Variants in ATP2B4 observed in about 807,000 individuals in gnomAD.
The protein encoded by ATP2B4 is ATPase plasma membrane Ca2+ transporting 4.
In ATP2B4, 39 loss-of-function variants were observed where a neutral mutation model predicts 110.3. That is an observed-to-expected ratio of 0.35 (90% CI 0.27 to 0.46). ATP2B4 has a LOEUF of 0.46. ATP2B4 is among the 20% of genes least tolerant of loss of function. ATP2B4 has a pLI of 1.00. For synonymous variants in ATP2B4, 538 were observed against 571.7 expected (o/e 0.94, Z 0.84); for missense variants, 1,135 against 1,530.9 (o/e 0.74, Z 4.32).
chr1:203,723,050 T>C (rs560221976), intron 18 of ATP2B4, among the ~76,000 whole-genome samples: 36 of 152,334 alleles, frequency 2.4e-4, no homozygotes, highest in African/African-American at 8.7e-4. Context: ...CATGCACATC[T>C]AGTATAGACT....
chr1:203,686,298 C>G (rs1418741336), intron 2 of ATP2B4, among the ~76,000 whole-genome samples: 4 of 152,172 alleles, frequency 2.6e-5, no homozygotes, highest in African/African-American at 9.7e-5. Context: ...AGCTGTCTGT[C>G]TCACAAACAG....
intron 1 of ATP2B4, among the ~76,000 whole-genome samples, chr1:203,662,033 CT>C (rs374196166): frequency 0.017 from 2,426 of 144,890 alleles, 43 homozygotes; most frequent in African/African-American, 0.05. Context: ...CCATCTTCAC[CT>C]TTTTTTTTTT....
chr1:203,704,467 C>CTTTTTTTTTTTTTTTTT lies in ATP2B4; in HGVS notation c.1099+669_1099+685dup, dbSNP rs35019828. ...GTGGACATATCTCTCAAGGAACAGTCTTTTTTTTTTTTTTTTTTTTTTTTT... is the reference window on the plus strand; with the variant it reads ...GTGGACATATCTCTCAAGGAACAGTCTTTTTTTTTTTTTTTTTTTTTTTTTTTTTTTTTTTTTTTTTT... On this transcript the variant is annotated intron_variant, in intron 8 of 20. Transcript: ENST00000357681. Among the ~76,000 whole-genome samples the CTTTTTTTTTTTTTTTTT allele has an allele frequency of 2.9e-5, 2 of 68,794 alleles. 1 individual carries two copies. Among genetic ancestry groups the CTTTTTTTTTTTTTTTTT allele is most frequent in the Non-Finnish European group, 5.2e-5 (2 of 38,316 alleles). 45.1% of individuals were successfully genotyped at this position (68,794 alleles called of 152,430 possible).
chr1:203,667,142 G>T (rs1362734354), intron 1 of ATP2B4, among the ~76,000 whole-genome samples: 1 of 152,080 alleles, frequency 6.6e-6, no homozygotes, highest in Non-Finnish European at 1.5e-5. Context: ...TGTAGAGATG[G>T]GGTTTCACCA....
At chr1:203,712,227 G>C in intron 13 of ATP2B4, 88 bp downstream of exon 13, 1 of 1,444,598 alleles carries the variant, frequency 6.9e-7, no homozygotes, top group Non-Finnish European at 9.4e-7. Context: ...GTGCGGGAAG[G>C]TGGGTGGTTT....
At chr1:203,723,630 A>T (rs1299541426) in intron 18 of ATP2B4, among the ~76,000 whole-genome samples, 3 of 151,740 alleles carry the variant, frequency 2.0e-5, no homozygotes, top group Non-Finnish European at 4.4e-5. Flanking sequence ...CAGCTCCCCT[A>T]ACTCCTCCAG....
intron 1 of ATP2B4, among the ~76,000 whole-genome samples, chr1:203,640,326 T>C (rs533643989): frequency 6.6e-6 from 1 of 152,284 alleles, no homozygotes; most frequent in Non-Finnish European, 1.5e-5. Context: ...ACTTGTTGCA[T>C]CCTTTTTTGA....
chr1:203,665,308 C>T (rs1664470667), intron 1 of ATP2B4, among the ~76,000 whole-genome samples: 1 of 152,192 alleles, frequency 6.6e-6, no homozygotes, highest in Non-Finnish European at 1.5e-5. Context: ...CAGGGTGAGC[C>T]CTTAGTGGGA....
chr1:203,712,054 A>G lies in ATP2B4; in HGVS notation c.2126A>G (p.Lys709Arg), dbSNP rs767216039. The part of the protein sequence containing the change: ...NINTARAIAT[K>R]CGILTPGDDF... ...AACACAGCCCGGGCCATTGCCACCA[A>G]ATGTGGCATTCTGACACCTGGGGAT... is the stretch of plus-strand genomic sequence containing the variant. The change falls in exon 13 of 21, where the codon AAA (lysine) becomes AGA (arginine). Residue 709 changes from lysine to arginine, a missense_variant. Lys to Arg is a conservative substitution (Grantham distance 26). Around this residue, in one of 9 missense-constraint regions of ATP2B4, gnomAD observed 368 missense variants for 455.9 expected, o/e 0.81. Coordinates refer to ENST00000357681, the MANE Select transcript of ATP2B4 (RefSeq NM_001684.5). The G allele has an allele frequency of 1.9e-6, 3 of 1,614,024 alleles. No homozygotes were observed. In the African/African-American group the frequency reaches 4.0e-5, roughly 22 times the overall value.
intron 20 of ATP2B4, among the ~76,000 whole-genome samples, chr1:203,734,943 G>A (rs1373155118): frequency 6.9e-6 from 1 of 145,286 alleles, no homozygotes; most frequent in African/African-American, 2.5e-5. Flanking sequence ...GGCGGAGGTT[G>A]CGGTGAGCCA....
intron 14 of ATP2B4, among the ~76,000 whole-genome samples, chr1:203,713,589 C>T (rs1043204042): frequency 6.6e-6 from 1 of 152,056 alleles, no homozygotes; most frequent in Non-Finnish European, 1.5e-5. Context: ...CTCAGCCTCC[C>T]GAGTAGCTGG....
intron 1 of ATP2B4, among the ~76,000 whole-genome samples, chr1:203,640,867 G>T (rs917872171): frequency 2.6e-5 from 4 of 152,158 alleles, no homozygotes; most frequent in Non-Finnish European, 5.9e-5. Flanking sequence ...GTGACTGACT[G>T]GTTGACAAGA....
At chr1:203,628,161 C>T (rs1000683574) in intron 1 of ATP2B4, among the ~76,000 whole-genome samples, 9 of 152,326 alleles carry the variant, frequency 5.9e-5, no homozygotes, top group African/African-American at 2.2e-4. Flanking sequence ...CCTTGGCTTG[C>T]TGAAGAGCTA....
At chr1:203,636,354 G>A (rs1457563747) in intron 1 of ATP2B4, among the ~76,000 whole-genome samples, 1 of 152,036 alleles carries the variant, frequency 6.6e-6, no homozygotes, top group Non-Finnish European at 1.5e-5. Flanking sequence ...CCTGATCGTC[G>A]CTCTGGAGAG....
At chr1:203,637,216 G>A (rs1663469712) in intron 1 of ATP2B4, among the ~76,000 whole-genome samples, 1 of 152,176 alleles carries the variant, frequency 6.6e-6, no homozygotes, top group African/African-American at 2.4e-5. Context: ...CGGATCACGA[G>A]GTCAGGAGAT....
intron 8 of ATP2B4, among the ~76,000 whole-genome samples, chr1:203,705,843 C>A (rs1330754500): frequency 6.6e-6 from 1 of 152,154 alleles, no homozygotes; most frequent in African/African-American, 2.4e-5. Context: ...TTTCCACCAC[C>A]TGGAGAGTGA....
chr1:203,635,643 C>G (rs1033302325), intron 1 of ATP2B4, among the ~76,000 whole-genome samples: 2 of 151,702 alleles, frequency 1.3e-5, no homozygotes, highest in South Asian at 4.2e-4. Context: ...AGAGTGAGAC[C>G]CTGTCTCAAA....
At chr1:203,656,553 G>A (rs754337588) in intron 1 of ATP2B4, among the ~76,000 whole-genome samples, 1 of 152,176 alleles carries the variant, frequency 6.6e-6, no homozygotes, top group Non-Finnish European at 1.5e-5. Context: ...TGTAAACACT[G>A]TAAACTTAAC....
intron 1 of ATP2B4, among the ~76,000 whole-genome samples, chr1:203,648,135 G>A (rs942572919): frequency 6.6e-6 from 1 of 152,150 alleles, no homozygotes; most frequent in Non-Finnish European, 1.5e-5. Context: ...TGGTGGAGAG[G>A]CTGGCTCCTG....
Sources: gnomAD v4.1 joint callset for allele counts (sites outside exome capture counted in the v4.1 genomes callset) on GRCh38, gnomAD v4.1.1 for gene constraint, gnomAD v4.1.1 regional missense constraint, MANE v1.5 for transcripts, NCBI Gene and HGNC (gene_info 2026-07-23, HGNC 2026-07-21) for gene names.